The following PRTFDC1 variants were observed in gnomAD, a reference collection of about 807,000 sequenced individuals.
PRTFDC1 encodes the protein phosphoribosyl transferase domain containing 1, also known as phosphoribosyltransferase domain-containing protein 1.
In PRTFDC1, 38 loss-of-function variants were observed where a neutral mutation model predicts 34.6. That is an observed-to-expected ratio of 1.10 (90% CI 0.85 to 1.44). The LOEUF (loss-of-function observed/expected upper bound fraction) is 1.44. Among genes scored for constraint, PRTFDC1 ranks in the 40% most tolerant of loss-of-function variants. PRTFDC1 has a pLI of 0.00. For missense variants in PRTFDC1, 270 were observed against 283.0 expected (o/e 0.95, Z 0.33); for synonymous variants, 93 against 98.1 (o/e 0.95, Z 0.31).
At chr10:24,937,447 T>G in intron 2 of PRTFDC1, 80 bp from the exon 3 acceptor site, 2 of 1,293,930 alleles carry the variant, frequency 1.5e-6, no homozygotes, top group Non-Finnish European at 2.1e-6. Flanking sequence ...CAAGATGTAT[T>G]GTACGTATTC....
At chr10:24,933,758 ATC>A (rs1849005744) in intron 3 of PRTFDC1, among the ~76,000 whole-genome samples, 1 of 150,978 alleles carries the variant, frequency 6.6e-6, no homozygotes, top group Non-Finnish European at 1.5e-5. Context: ...CAGTGGCACA[ATC>A]TCAGCTCACT....
At chr10:24,932,483 T>C (rs1214943644) in intron 3 of PRTFDC1, among the ~76,000 whole-genome samples, 3 of 151,946 alleles carry the variant, frequency 2.0e-5, no homozygotes, top group Non-Finnish European at 2.9e-5. Context: ...AAATTAATAG[T>C]ATTTCTAAAT....
chr10:24,934,078 A>G (rs1170180797), intron 3 of PRTFDC1, among the ~76,000 whole-genome samples: 2 of 152,130 alleles, frequency 1.3e-5, no homozygotes, highest in South Asian at 2.1e-4. Context: ...ATAAGTACAC[A>G]CAAATACCTG....
intron 3 of PRTFDC1, among the ~76,000 whole-genome samples, chr10:24,932,662 G>A (rs368773737): frequency 3.9e-5 from 6 of 152,062 alleles, no homozygotes; most frequent in South Asian, 2.1e-4. Flanking sequence ...GAGATATACC[G>A]TGTTCATGGA....
intron 8 of PRTFDC1, among the ~76,000 whole-genome samples, chr10:24,850,568 G>A (rs961074821): frequency 6.6e-6 from 1 of 152,158 alleles, no homozygotes; most frequent in Non-Finnish European, 1.5e-5. Context: ...GGAGTTCAAG[G>A]CTGCAGTGAG....
intron 3 of PRTFDC1, chr10:24,908,951 A>G (rs17522290): frequency 0.055 from 20,714 of 378,740 alleles, 735 homozygotes; most frequent in Non-Finnish European, 0.071. Flanking sequence ...TAAACAAGGC[A>G]TCCAACCTTT....
intron 3 of PRTFDC1, among the ~76,000 whole-genome samples, chr10:24,913,600 T>C (rs2132572558): frequency 6.6e-6 from 1 of 152,336 alleles, no homozygotes; most frequent in African/African-American, 2.4e-5. Flanking sequence ...TATTTAGAAA[T>C]TGTCATCTCT....
At chr10:24,899,109 G>T (rs1848413136) in intron 3 of PRTFDC1, among the ~76,000 whole-genome samples, 1 of 152,098 alleles carries the variant, frequency 6.6e-6, no homozygotes. Context: ...AGCCCAAACG[G>T]ACTAAAATAC....
chr10:24,901,495 C>A (rs889354599), intron 3 of PRTFDC1, among the ~76,000 whole-genome samples: 1 of 152,026 alleles, frequency 6.6e-6, no homozygotes, highest in South Asian at 2.1e-4. Flanking sequence ...GAGGCCAAAG[C>A]GAGAGAATTG....
chr10:24,936,911 C>T (rs964062671), intron 3 of PRTFDC1, among the ~76,000 whole-genome samples: 71 of 152,164 alleles, frequency 4.7e-4, no homozygotes, highest in Non-Finnish European at 1.3e-4. Context: ...CAGGATATAA[C>T]CACTCACTTT....
At chr10:24,909,588 T>A (rs2132565820) in intron 3 of PRTFDC1, among the ~76,000 whole-genome samples, 1 of 152,362 alleles carries the variant, frequency 6.6e-6, no homozygotes, top group Middle Eastern at 3.4e-3. Context: ...TATATATTTT[T>A]AATTTGTATA....
intron 3 of PRTFDC1, among the ~76,000 whole-genome samples, chr10:24,910,938 C>T (rs1848617502): frequency 6.7e-6 from 1 of 148,498 alleles, no homozygotes. Context: ...CTCAAGTGAT[C>T]TTCCCACCTT....
chr10:24,856,873 G>T, intron 6 of PRTFDC1, 40 bp downstream of exon 6: 1 of 1,534,966 alleles, frequency 6.5e-7, no homozygotes. Flanking sequence ...GGGCTTGCTT[G>T]GAAAACTAGA....
intron 2 of PRTFDC1, among the ~76,000 whole-genome samples, chr10:24,940,729 T>G (rs1849141310): frequency 6.6e-6 from 1 of 152,188 alleles, no homozygotes; most frequent in Non-Finnish European, 1.5e-5. Context: ...CACACAAAAC[T>G]TATATGTGAA....
intron 3 of PRTFDC1, among the ~76,000 whole-genome samples, chr10:24,910,584 G>A (rs1453600492): frequency 6.6e-6 from 1 of 151,954 alleles, no homozygotes; most frequent in Non-Finnish European, 1.5e-5. Flanking sequence ...CTCCCTTCAG[G>A]AATATGTAAT....
chr10:24,935,224 T>TA lies in PRTFDC1; in HGVS notation c.339+1959dup, dbSNP rs935084434. ...GTGGCTCAATAAACCTGACTTTAATTAAAAAAAATGTTAACAGGTTTTTAA... is the reference window on the plus strand; with the variant it reads ...GTGGCTCAATAAACCTGACTTTAATTAAAAAAAAATGTTAACAGGTTTTTAA... On this transcript the variant is annotated intron_variant, in intron 3 of 8. Transcript: ENST00000320152. Among the ~76,000 whole-genome samples the TA allele has an allele frequency of 5.3e-5, 8 of 152,020 alleles. No individual in the cohort carries two copies. In the East Asian group the frequency reaches 7.7e-4, roughly 15 times the overall value.
chr10:24,855,349 T>C lies in PRTFDC1; in HGVS notation c.522A>G (p.Arg174=), dbSNP rs1437785282. The stretch of plus-strand genomic sequence containing the variant: ...GTCTAAAGCCGTCACTTCTGGATGT[T>C]CTCTTCACCAACAAACTACCATTAA... ...MIKVASLLVK[R]TSRSDGFRPD... The change falls in exon 7 of 9, where the codon AGA becomes AGG. Residue 174 remains arginine, a synonymous_variant. Transcript: ENST00000320152. The C allele has an allele frequency of 1.9e-6, 3 of 1,614,130 alleles. No individual in the cohort carries two copies. In the South Asian group the frequency reaches 3.3e-5, roughly 18 times the overall value.
At chr10:24,875,334 A>G (rs2132516690) in intron 3 of PRTFDC1, among the ~76,000 whole-genome samples, 1 of 152,180 alleles carries the variant, frequency 6.6e-6, no homozygotes, top group East Asian at 1.9e-4. Flanking sequence ...GTGCTGTGCA[A>G]TAGAACACCA....
At chr10:24,881,007 TTCTC>T (rs900483145) in intron 3 of PRTFDC1, among the ~76,000 whole-genome samples, 5 of 142,262 alleles carry the variant, frequency 3.5e-5, no homozygotes, top group South Asian at 2.6e-4. Context: ...CTTCCTTCCT[TTCTC>T]TCTTTCTTTC....
Sources: gnomAD v4.1 joint callset for allele counts (sites outside exome capture counted in the v4.1 genomes callset) on GRCh38, gnomAD v4.1.1 for gene constraint, MANE v1.5 for transcripts, NCBI Gene and HGNC (gene_info 2026-07-23, HGNC 2026-07-21) for gene names.